The following DOCK9 variants were observed in gnomAD, a reference collection of about 807,000 sequenced individuals.
DOCK9 encodes dedicator of cytokinesis protein 9.
In DOCK9, 89 loss-of-function variants were observed where a neutral mutation model predicts 263.3. That is an observed-to-expected ratio of 0.34 (90% CI 0.28 to 0.40). The LOEUF (loss-of-function observed/expected upper bound fraction) is 0.40, where lower values mean the gene tolerates loss of function less well. Ranked by LOEUF, DOCK9 falls within the 10% of genes least tolerant of loss-of-function variation. The pLI, the probability that DOCK9 is intolerant of heterozygous loss-of-function variation, is 1.00. For synonymous variants in DOCK9, 976 were observed against 973.1 expected (o/e 1.00, Z -0.06); for missense variants, 2,140 against 2,603.4 (o/e 0.82, Z 3.87).
intron 31 of DOCK9, 116 bp from the exon 32 acceptor site, chr13:98,863,248 G>C: frequency 6.7e-7 from 1 of 1,497,698 alleles, no homozygotes; most frequent in Non-Finnish European, 9.1e-7. Context: ...TTTGATTTTA[G>C]TCCCAAAATA....
chr13:98,950,160 A>G, intron 2 of DOCK9: 1 of 676,886 alleles, frequency 1.5e-6, no homozygotes, highest in South Asian at 1.9e-5. Flanking sequence ...AAGTCACACC[A>G]TTAATTCTTT....
intron 1 of DOCK9, chr13:99,015,690 C>T (rs1365971048): frequency 1.4e-6 from 2 of 1,469,812 alleles, no homozygotes; most frequent in Non-Finnish European, 1.8e-6. Context: ...GAAACAGGCT[C>T]CCACTGTACC....
At chr13:98,841,841 C>CCATG in intron 38 of DOCK9, among the ~76,000 whole-genome samples, 1 of 151,940 alleles carries the variant, frequency 6.6e-6, no homozygotes, top group East Asian at 1.9e-4. Flanking sequence ...CGGGGTTTCA[C>CCATG]CATGTTGTCC....
At chr13:98,852,787 C>G (rs758769392) in intron 35 of DOCK9, among the ~76,000 whole-genome samples, 16 of 152,324 alleles carry the variant, frequency 1.1e-4, no homozygotes, top group Non-Finnish European at 2.4e-4. Context: ...TCCTGTCACA[C>G]ACATTTGCAA....
At chr13:99,065,665 T>G (rs2041384872) in intron 1 of DOCK9, among the ~76,000 whole-genome samples, 1 of 152,214 alleles carries the variant, frequency 6.6e-6, no homozygotes, top group Non-Finnish European at 1.5e-5. Flanking sequence ...TTCATTACCC[T>G]TTTTCTGATT....
At chr13:99,040,502 T>TA (rs942064821) in intron 1 of DOCK9, among the ~76,000 whole-genome samples, 3 of 152,164 alleles carry the variant, frequency 2.0e-5, no homozygotes, top group East Asian at 1.9e-4. Flanking sequence ...ATATAAATTT[T>TA]AAAAAAAATT....
intron 5 of DOCK9, 99 bp downstream of exon 5, chr13:98,923,203 G>C: frequency 8.8e-7 from 1 of 1,136,088 alleles, no homozygotes; most frequent in Non-Finnish European, 1.3e-6. Context: ...TGCCTGTTTT[G>C]GCTAAATGTC....
At chr13:98,923,083 C>T (rs1201892561) in intron 5 of DOCK9, among the ~76,000 whole-genome samples, 1 of 152,142 alleles carries the variant, frequency 6.6e-6, no homozygotes, top group Non-Finnish European at 1.5e-5. Flanking sequence ...AACAAATAAA[C>T]ACAACCAAGA....
chr13:98,890,749 T>G (rs1239186132), intron 15 of DOCK9, among the ~76,000 whole-genome samples: 4 of 152,224 alleles, frequency 2.6e-5, no homozygotes. Context: ...TTGGAATATT[T>G]GTCACCTGAA....
At chr13:99,023,902 GC>G (rs1247806581) in intron 1 of DOCK9, among the ~76,000 whole-genome samples, 2 of 152,258 alleles carry the variant, frequency 1.3e-5, no homozygotes, top group South Asian at 2.1e-4. Context: ...AAAAAAAGAT[GC>G]CTGAGATTTA....
At chr13:99,029,009 T>C (rs1158400418) in intron 1 of DOCK9, among the ~76,000 whole-genome samples, 1 of 152,230 alleles carries the variant, frequency 6.6e-6, no homozygotes, top group Non-Finnish European at 1.5e-5. Context: ...ACCAGTTGGC[T>C]CTCTGTTAGG....
chr13:98,981,780 A>T (rs1877272660), upstream of DOCK9, among the ~76,000 whole-genome samples: 1 of 152,164 alleles, frequency 6.6e-6, no homozygotes, highest in Admixed American at 6.6e-5. Context: ...TCCAAATGGG[A>T]TGTGGTTTCT....
chr13:98,977,958 A>T lies in DOCK9; in HGVS notation c.-49T>A, dbSNP rs1875640718. On this transcript the variant is annotated 5_prime_UTR_variant, in exon 1 of 53. Transcript: ENST00000682017. ...AAAGTCTGCAACTGGAACAGCTGCGAGTCCCTGGCCGTGCAAGGCACAGGC... is the reference window on the plus strand; with the variant it reads ...AAAGTCTGCAACTGGAACAGCTGCGTGTCCCTGGCCGTGCAAGGCACAGGC... The T allele has an allele frequency of 6.5e-7, 1 of 1,537,504 alleles. No homozygotes were observed. The highest frequency in any genetic ancestry group is 1.2e-5 in the South Asian group (1 of 80,018).
intron 4 of DOCK9, among the ~76,000 whole-genome samples, chr13:98,924,651 G>A (rs1199697654): frequency 6.6e-6 from 1 of 152,186 alleles, no homozygotes; most frequent in Non-Finnish European, 1.5e-5. Flanking sequence ...CTTGTTCCTG[G>A]CAAGATGGGA....
chr13:98,923,713 G>C (rs2052455575), intron 4 of DOCK9, among the ~76,000 whole-genome samples: 1 of 152,188 alleles, frequency 6.6e-6, no homozygotes, highest in Non-Finnish European at 1.5e-5. Context: ...GGAAGATTGA[G>C]TTGTTGCGTT....
At chr13:98,914,658 G>A (rs2050600198) in intron 8 of DOCK9, among the ~76,000 whole-genome samples, 2 of 152,090 alleles carry the variant, frequency 1.3e-5, no homozygotes, top group Admixed American at 6.5e-5. Flanking sequence ...CAGCCCACAT[G>A]GACACGTCCA....
chr13:99,031,992 G>C (rs1887390311), intron 1 of DOCK9, among the ~76,000 whole-genome samples: 1 of 152,164 alleles, frequency 6.6e-6, no homozygotes, highest in South Asian at 2.1e-4. Context: ...ATAATAGCCA[G>C]TACCTGGGTT....
chr13:98,868,272 C>T lies in DOCK9; in HGVS notation c.3049G>A (p.Ala1017Thr), dbSNP rs747630396. ...AGGCTATGATTCGCGTTCTTAGATGCCTCTGGATTATCTCGAAACTTCTGA... is the reference window on the plus strand; with the variant it reads ...AGGCTATGATTCGCGTTCTTAGATGTCTCTGGATTATCTCGAAACTTCTGA... ...ITQKFRDNPE[A>T]SKNANHSLAV... The change falls in exon 28 of 53, where the codon GCA becomes ACA. Residue 1017 changes from alanine (A) to threonine (T), a missense_variant. This residue lies in a region of DOCK9 where 1,521 missense variants were observed against 1,741.7 expected (regional missense o/e 0.87). Transcript: ENST00000682017. The T allele has an allele frequency of 1.2e-5, 19 of 1,613,844 alleles. No individual in the cohort carries two copies. The South Asian group carries it at 2.0e-4, about 17-fold the overall frequency.
chr13:99,080,787 T>A (rs1404638941), intron 1 of DOCK9, among the ~76,000 whole-genome samples: 1 of 152,214 alleles, frequency 6.6e-6, no homozygotes, highest in Non-Finnish European at 1.5e-5. Context: ...TGTGCCTTAG[T>A]ACTGTTAGTC....
Sources: allele counts gnomAD v4.1 joint callset (sites outside exome capture counted in the v4.1 genomes callset), GRCh38; gene constraint gnomAD v4.1.1; regional missense constraint gnomAD v4.1.1; transcripts MANE v1.5; gene names NCBI Gene and HGNC (gene_info 2026-07-23, HGNC 2026-07-21).